DNAJC17: variants seen among roughly 807,000 people sequenced by gnomAD.
The protein encoded by DNAJC17 is dnaJ homolog subfamily C member 17.
DNAJC17 carries 35 observed loss-of-function variants against 48.1 expected under a neutral mutation model. The ratio of observed to expected loss-of-function variants is 0.73; its 90% confidence interval spans 0.56 to 0.96. The LOEUF is 0.96. DNAJC17 is among the 50% of genes least tolerant of loss of function. The pLI, the probability that DNAJC17 is intolerant of heterozygous loss-of-function variation, is 0.00. For missense variants in DNAJC17, 355 were observed against 377.1 expected (o/e 0.94, Z 0.48); for synonymous variants, 117 against 142.7 (o/e 0.82, Z 1.28).
intron 1 of DNAJC17, among the ~76,000 whole-genome samples, chr15:40,784,640 A>G (rs1288562942): frequency 6.6e-6 from 1 of 152,148 alleles, no homozygotes; most frequent in African/African-American, 2.4e-5. Context: ...GCCAATTACC[A>G]CAGAAAAAAC....
chr15:40,798,948 G>A (rs542374070), intron 1 of DNAJC17, among the ~76,000 whole-genome samples: 7 of 152,110 alleles, frequency 4.6e-5, no homozygotes, highest in South Asian at 2.1e-4. Flanking sequence ...GGCTGGGCGC[G>A]GTGGCTCACG....
intron 1 of DNAJC17, among the ~76,000 whole-genome samples, chr15:40,786,715 T>C (rs1214387833): frequency 6.6e-6 from 1 of 152,088 alleles, no homozygotes; most frequent in Non-Finnish European, 1.5e-5. Context: ...AACCCAAAGT[T>C]CCCCATCCAG....
Position 40,767,350 on chromosome 15 carries a change from C to A in DNAJC17, c.*590G>T. 6.3e-7 allele frequency: 1 copy of A among 1,594,842 alleles called. No homozygotes were observed. The highest frequency in any genetic ancestry group is 2.3e-5 in the East Asian group (1 of 43,282). On this transcript the variant is annotated 3_prime_UTR_variant, in exon 11 of 11. Transcript: ENST00000220496. ...GGTGTGGTGTCTGCACAAGGAGTGA[C>A]CTTCTCATGCTGATTTGCAGACGGG...
Position 40,770,608 on chromosome 15 carries a change from C to T in DNAJC17, c.793-2546G>A, listed in dbSNP as rs1325150398. 4 of 1,550,600 alleles carry T rather than the reference C, an allele frequency of 2.6e-6. No individual in the cohort carries two copies. In the African/African-American group the frequency reaches 5.5e-5, roughly 21 times the overall value. ...AGTAGTGTGCTTAGCCAGGCCAGCA[C>T]AGCAGGTGGGGACCACGAGGAGTAC... On this transcript the variant is annotated intron_variant, in intron 10 of 10. Transcript: ENST00000220496. This position sits in a 1 kb window ranked among gnomAD's most constrained non-coding sequence, Gnocchi z 5.0.
At position 40,795,365 on chromosome 15, in the gene DNAJC17, G is replaced by A. The variant is rs1044977769; in HGVS notation, c.78+12004C>T. Reference sequence around the variant, plus strand: ...AACGTTAGCCTCTGCATTTCAAAATGATGGGCCCCAGGAGCAAGAGACAGA... The same window carrying A: ...AACGTTAGCCTCTGCATTTCAAAATAATGGGCCCCAGGAGCAAGAGACAGA... On this transcript the variant is annotated intron_variant, in intron 1 of 10. Coordinates refer to ENST00000220496, the MANE Select transcript of DNAJC17 (RefSeq NM_018163.3). Among the ~76,000 whole-genome samples the A allele has an allele frequency of 5.3e-4, 80 of 152,256 alleles. 1 individual carries two copies. The highest frequency in any genetic ancestry group is 3.4e-3 in the Middle Eastern group (1 of 294).
rs1336392932 is a variant in DNAJC17, at chr15:40,765,631, G to A, written c.*2309C>T. On this transcript the variant is annotated 3_prime_UTR_variant, in exon 11 of 11. Transcript: ENST00000220496. ...TGAGCTTTAAGGCACTAGGGAGGGC[G>A]CCTACATTGCTCCTCCTGATCATTG... is the stretch of plus-strand genomic sequence containing the variant. 1.8e-5 allele frequency: 7 copies of A among 384,852 alleles called. No individual in the cohort carries two copies. The highest frequency in any genetic ancestry group is 6.5e-4 in the Middle Eastern group (1 of 1,534). The allele number at this position is 384,852 out of a possible 1,614,324, so 23.8% of individuals were successfully genotyped here.
chr15:40,770,480 G>A lies in DNAJC17; in HGVS notation c.793-2418C>T, dbSNP rs1230213279. ...GGCTGCTCCTGAACACCTGTCTGCTGGCTCCCCTGGGCCCCATGGAGACCT... is the reference window on the plus strand; with the variant it reads ...GGCTGCTCCTGAACACCTGTCTGCTAGCTCCCCTGGGCCCCATGGAGACCT... On this transcript the variant is annotated intron_variant, in intron 10 of 10. Coordinates refer to ENST00000220496, the MANE Select transcript of DNAJC17 (RefSeq NM_018163.3). This position sits in a 1 kb window ranked among gnomAD's most constrained non-coding sequence, Gnocchi z 5.0. 1.3e-6 allele frequency: 2 copies of A among 1,539,904 alleles called. No individual in the cohort carries two copies. Among genetic ancestry groups the A allele is most frequent in the South Asian group, 1.2e-5 (1 of 82,662 alleles).
intron 1 of DNAJC17, among the ~76,000 whole-genome samples, chr15:40,801,046 C>CCTGAG (rs1482345713): frequency 1.3e-5 from 2 of 152,074 alleles, no homozygotes; most frequent in Admixed American, 1.3e-4. Flanking sequence ...AAAGTCAGGT[C>CCTGAG]CTGAGAGACG....
intron 1 of DNAJC17, among the ~76,000 whole-genome samples, chr15:40,804,518 C>T (rs1174318742): frequency 6.6e-6 from 1 of 152,014 alleles, no homozygotes; most frequent in Non-Finnish European, 1.5e-5. Context: ...ATCACTTGAG[C>T]CCAGGAAGTC....
At chr15:40,796,873 G>A (rs373400158) in intron 1 of DNAJC17, among the ~76,000 whole-genome samples, 1 of 152,124 alleles carries the variant, frequency 6.6e-6, no homozygotes, top group Non-Finnish European at 1.5e-5. Context: ...TCCCTCCTCA[G>A]CCTCCCGAGT....
intron 1 of DNAJC17, among the ~76,000 whole-genome samples, chr15:40,798,019 G>T (rs1453325527): frequency 6.6e-6 from 1 of 152,134 alleles, no homozygotes; most frequent in Non-Finnish European, 1.5e-5. Context: ...ACCACACCTG[G>T]CTCAAACAAA....
intron 1 of DNAJC17, among the ~76,000 whole-genome samples, chr15:40,792,032 G>C (rs1468601218): frequency 2.0e-5 from 3 of 152,162 alleles, no homozygotes; most frequent in Non-Finnish European, 4.4e-5. Context: ...CTAGGGCCTA[G>C]AGGCCCAAAC....
At chr15:40,802,896 G>A (rs1191076632) in intron 1 of DNAJC17, among the ~76,000 whole-genome samples, 2 of 152,034 alleles carry the variant, frequency 1.3e-5, no homozygotes, top group Admixed American at 6.6e-5. Context: ...TTGAACCCAG[G>A]AGTTCAAGAC....
intron 3 of DNAJC17, 48 bp from the exon 4 acceptor site, chr15:40,779,358 G>A (rs1412290117): frequency 6.2e-7 from 1 of 1,604,994 alleles, no homozygotes; most frequent in Non-Finnish European, 8.5e-7. Context: ...AGAGAGTAAA[G>A]ACAGAGCCCC....
chr15:40,785,645 T>C (rs552946132), intron 1 of DNAJC17, among the ~76,000 whole-genome samples: 9 of 152,294 alleles, frequency 5.9e-5, no homozygotes, highest in African/African-American at 1.2e-4. Flanking sequence ...AGGATGCCAA[T>C]TGGACAGGAA....
At chr15:40,798,323 G>C (rs919015840) in intron 1 of DNAJC17, among the ~76,000 whole-genome samples, 1 of 152,144 alleles carries the variant, frequency 6.6e-6, no homozygotes, top group Non-Finnish European at 1.5e-5. Flanking sequence ...AAGTAGAAGA[G>C]TGGTTCACAG....
intron 1 of DNAJC17, chr15:40,792,552 T>C: frequency 2.0e-6 from 2 of 984,966 alleles, no homozygotes; most frequent in Non-Finnish European, 2.4e-6. Context: ...TGCTGACTCA[T>C]GCCTGTAATC....
intron 1 of DNAJC17, among the ~76,000 whole-genome samples, chr15:40,801,576 A>AC (rs1890072026): frequency 6.6e-6 from 1 of 151,670 alleles, no homozygotes; most frequent in South Asian, 2.1e-4. Context: ...GAATGGTGAA[A>AC]CCCCGTCTCT....
chr15:40,781,765 C>CAAA (rs908506420), intron 1 of DNAJC17, among the ~76,000 whole-genome samples: 3 of 146,582 alleles, frequency 2.0e-5, no homozygotes, highest in Admixed American at 1.3e-4. Flanking sequence ...ACTAAAAATA[C>CAAA]AAAAAAATTA....
Sources: gnomAD v4.1 joint callset for allele counts (sites outside exome capture counted in the v4.1 genomes callset) on GRCh38, gnomAD v4.1.1 for gene constraint, Gnocchi (gnomAD v3.1) non-coding constraint, MANE v1.5 for transcripts, NCBI Gene and HGNC (gene_info 2026-07-23, HGNC 2026-07-21) for gene names.